XKR4: variants seen among roughly 807,000 people sequenced by gnomAD.
The protein encoded by XKR4 is XK related 4.
Under a neutral mutation model 53.9 loss-of-function variants are expected in XKR4, and 12 were observed. That is an observed-to-expected ratio of 0.22 (90% CI 0.14 to 0.36). The LOEUF (loss-of-function observed/expected upper bound fraction) is 0.36. Among genes scored for constraint, XKR4 ranks in the 10% least tolerant of loss-of-function variants. The probability of loss-of-function intolerance (pLI) is 1.00; values close to 1 mark genes in which losing one functional copy is unlikely to be tolerated. For missense variants in XKR4, 799 were observed against 859.5 expected (o/e 0.93, Z 0.88); for synonymous variants, 354 against 362.4 (o/e 0.98, Z 0.26).
chr8:55,445,157 A>G (rs1042606354), intron 2 of XKR4, among the ~76,000 whole-genome samples: 4 of 152,150 alleles, frequency 2.6e-5, no homozygotes, highest in African/African-American at 9.7e-5. Flanking sequence ...TCCCGGGTTC[A>G]TGCCATTCTC....
intron 2 of XKR4, among the ~76,000 whole-genome samples, chr8:55,510,486 G>A (rs1806610043): frequency 6.6e-6 from 1 of 152,084 alleles, no homozygotes; most frequent in Non-Finnish European, 1.5e-5. Flanking sequence ...CCACGGGAGG[G>A]AGAGGGGTTA....
intron 2 of XKR4, among the ~76,000 whole-genome samples, chr8:55,414,109 A>G (rs1804811398): frequency 6.6e-6 from 1 of 152,356 alleles, no homozygotes. Flanking sequence ...TGTGTCTTCT[A>G]CAGTAAGAAA....
chr8:55,464,289 G>C (rs1281468783), intron 2 of XKR4, among the ~76,000 whole-genome samples: 1 of 152,036 alleles, frequency 6.6e-6, no homozygotes, highest in Non-Finnish European at 1.5e-5. Flanking sequence ...TGATCAAGTG[G>C]GCTTCATCCC....
chr8:55,273,199 CACTG>C (rs796223160), intron 1 of XKR4, among the ~76,000 whole-genome samples: 114 of 150,942 alleles, frequency 7.6e-4, no homozygotes, highest in African/African-American at 2.1e-3. Flanking sequence ...GCTGCACCCT[CACTG>C]ACTAAATGTG....
intron 2 of XKR4, among the ~76,000 whole-genome samples, chr8:55,488,455 A>C (rs1422558655): frequency 6.6e-6 from 1 of 152,106 alleles, no homozygotes. Context: ...TTGATAGATA[A>C]ATAGATAAAC....
chr8:55,360,212 T>A (rs564066660), intron 2 of XKR4, among the ~76,000 whole-genome samples: 1 of 152,016 alleles, frequency 6.6e-6, no homozygotes, highest in African/African-American at 2.4e-5. Flanking sequence ...AAACAAAGAG[T>A]GAAAATATCT....
At position 55,245,448 on chromosome 8, in the gene XKR4, A is replaced by G. The variant is rs1818272350; in HGVS notation, c.807-112230A>G. On this transcript the variant is annotated intron_variant, in intron 1 of 2. Transcript: ENST00000327381. ...ATAATATGTATATTTAAATAATCCT[A>G]CTGTGTGGTATAGCAGCTTAAATAA... Among the ~76,000 whole-genome samples, 3 of 152,102 alleles carry G rather than the reference A, an allele frequency of 2.0e-5. No homozygotes were observed. In the South Asian group the frequency reaches 6.2e-4, roughly 32 times the overall value.
chr8:55,329,204 A>G (rs1041658372), intron 1 of XKR4, among the ~76,000 whole-genome samples: 11 of 152,134 alleles, frequency 7.2e-5, no homozygotes, highest in African/African-American at 2.7e-4. Flanking sequence ...AAATTTTGTG[A>G]AGAAAAATAG....
intron 1 of XKR4, among the ~76,000 whole-genome samples, chr8:55,315,298 G>A (rs192423920): frequency 7.2e-5 from 11 of 152,340 alleles, no homozygotes; most frequent in Non-Finnish European, 1.6e-4. Context: ...GAGTCCAGCG[G>A]TTCCAGGGGA....
intron 2 of XKR4, chr8:55,453,743 A>G (rs1281251370): frequency 7.7e-6 from 3 of 388,686 alleles, no homozygotes; most frequent in South Asian, 4.1e-5. Context: ...GTCTGGGTAC[A>G]GGTTCTTGTT....
At chr8:55,407,726 T>C (rs1804708386) in intron 2 of XKR4, among the ~76,000 whole-genome samples, 2 of 152,258 alleles carry the variant, frequency 1.3e-5, no homozygotes, top group African/African-American at 4.8e-5. Context: ...GAAAAGACCG[T>C]TCCTAAGAAG....
At chr8:55,455,206 T>C in intron 2 of XKR4, 1 of 442,382 alleles carries the variant, frequency 2.3e-6, no homozygotes, top group South Asian at 1.9e-5. Context: ...GGCCCGGGCC[T>C]GGCCCTGGAC....
At chr8:55,275,186 C>T (rs1164951534) in intron 1 of XKR4, among the ~76,000 whole-genome samples, 1 of 151,896 alleles carries the variant, frequency 6.6e-6, no homozygotes, top group African/African-American at 2.4e-5. Flanking sequence ...TTTCAAATTT[C>T]TATTTTAATA....
At chr8:55,152,211 T>C (rs897363344) in intron 1 of XKR4, among the ~76,000 whole-genome samples, 2 of 152,196 alleles carry the variant, frequency 1.3e-5, no homozygotes, top group Non-Finnish European at 2.9e-5. Context: ...GAACTATGTT[T>C]ATGAAAGAGG....
chr8:55,345,647 T>C (rs1215763681), intron 1 of XKR4, among the ~76,000 whole-genome samples: 1 of 152,206 alleles, frequency 6.6e-6, no homozygotes, highest in Non-Finnish European at 1.5e-5. Flanking sequence ...GAAGGCCCTG[T>C]GCATATTCCC....
At chr8:55,157,050 G>A (rs1381688148) in intron 1 of XKR4, among the ~76,000 whole-genome samples, 4 of 152,202 alleles carry the variant, frequency 2.6e-5, no homozygotes, top group Non-Finnish European at 4.4e-5. Context: ...CTGTATGTTA[G>A]TGTCTGCTGT....
chr8:55,258,717 A>G (rs899451792), intron 1 of XKR4, among the ~76,000 whole-genome samples: 1 of 152,178 alleles, frequency 6.6e-6, no homozygotes, highest in Non-Finnish European at 1.5e-5. Flanking sequence ...CTTGCTAATG[A>G]TCATTTGTAT....
At position 55,475,766 on chromosome 8, in the gene XKR4, C is replaced by T. The variant is rs191419555; in HGVS notation, c.1007-47515C>T. ...TATAGGCGCACACCACCACGCCCAG[C>T]TAATTTTTGTATTTTTAGTAGAGAC... On this transcript the variant is annotated intron_variant, in intron 2 of 2. Coordinates refer to ENST00000327381, the MANE Select transcript of XKR4 (RefSeq NM_052898.2). 5.9e-4 allele frequency among the ~76,000 whole-genome samples: 90 copies of T among 152,050 alleles called. 2 individuals are homozygous for T. The East Asian group carries it at 0.014, about 23-fold the overall frequency.
intron 1 of XKR4, among the ~76,000 whole-genome samples, chr8:55,281,962 T>C (rs1490258510): frequency 6.6e-6 from 1 of 152,212 alleles, no homozygotes; most frequent in Non-Finnish European, 1.5e-5. Context: ...CCTTGGCTTA[T>C]GTGCTTCCTG....
Sources: gnomAD v4.1 joint callset for allele counts (sites outside exome capture counted in the v4.1 genomes callset) on GRCh38, gnomAD v4.1.1 for gene constraint, MANE v1.5 for transcripts, NCBI Gene and HGNC (gene_info 2026-07-23, HGNC 2026-07-21) for gene names.